SAE1: variants seen among roughly 807,000 people sequenced by gnomAD.
SAE1 encodes SUMO1 activating enzyme subunit 1.
SAE1 carries 11 observed loss-of-function variants against 40.6 expected under a neutral mutation model. The ratio of observed to expected loss-of-function variants is 0.27; its 90% CI spans 0.17 to 0.45. The LOEUF (loss-of-function observed/expected upper bound fraction) is 0.45. SAE1 is among the 20% of genes least tolerant of loss of function. The pLI is 1.00. For synonymous variants in SAE1, 155 were observed against 154.3 expected (o/e 1.00, Z -0.03); for missense variants, 373 against 427.3 (o/e 0.87, Z 1.12).
At chr19:47,198,793 A>G (rs1439463682) in intron 7 of SAE1, among the ~76,000 whole-genome samples, 1 of 152,098 alleles carries the variant, frequency 6.6e-6, no homozygotes, top group Non-Finnish European at 1.5e-5. Flanking sequence ...CTGACCCAAA[A>G]AGCCATGATT....
At chr19:47,146,974 T>C (rs1258071422) in intron 2 of SAE1, among the ~76,000 whole-genome samples, 2 of 152,032 alleles carry the variant, frequency 1.3e-5, no homozygotes, top group East Asian at 3.9e-4. Context: ...AAAGAGTGAT[T>C]TGAAAAATAA....
rs1232339267 is a variant in SAE1 at position 47,194,747 on chromosome 19, C to CTTTTTTTT, written c.734-2473_734-2466dup. On this transcript the variant is annotated intron_variant, in intron 6 of 8. Coordinates refer to ENST00000270225, the MANE Select transcript of SAE1 (RefSeq NM_005500.3). ...AGAAGGTGTTGGTATGTTAATCAGT[C>CTTTTTTTT]TTTTTTTTTTTTTTTTTTTTGAGAT... Among the ~76,000 whole-genome samples, 20 of 124,890 alleles carry CTTTTTTTT rather than the reference C, an allele frequency of 1.6e-4. 1 individual carries two copies. The highest frequency in any genetic ancestry group is 5.8e-4 in the African/African-American group (19 of 32,998). 81.9% of individuals were successfully genotyped at this position (124,890 alleles called of 152,430 possible).
chr19:47,132,508 C>T (rs187404382), intron 1 of SAE1, among the ~76,000 whole-genome samples: 2 of 150,884 alleles, frequency 1.3e-5, no homozygotes, highest in Non-Finnish European at 3.0e-5. Flanking sequence ...TCCTCGGCCT[C>T]AAGAGATCTC....
intron 4 of SAE1, among the ~76,000 whole-genome samples, chr19:47,153,483 G>C (rs915891792): frequency 2.0e-5 from 3 of 152,180 alleles, no homozygotes; most frequent in Admixed American, 2.0e-4. Flanking sequence ...AAAGATGGCA[G>C]ATGATACATT....
chr19:47,139,649 C>T (rs1243955114), intron 1 of SAE1, among the ~76,000 whole-genome samples: 4 of 141,386 alleles, frequency 2.8e-5, no homozygotes, highest in South Asian at 2.2e-4. Flanking sequence ...AGTGCAGTGG[C>T]GCGATCTCGG....
intron 5 of SAE1, among the ~76,000 whole-genome samples, chr19:47,162,383 G>A (rs1240073008): frequency 6.6e-6 from 1 of 152,052 alleles, no homozygotes; most frequent in Non-Finnish European, 1.5e-5. Flanking sequence ...TTAAGATAAG[G>A]GCATTTTCAG....
At chr19:47,191,771 A>G (rs543879097) in intron 6 of SAE1, among the ~76,000 whole-genome samples, 14 of 152,180 alleles carry the variant, frequency 9.2e-5, no homozygotes, top group African/African-American at 3.1e-4. Context: ...AGCTGTGGGA[A>G]TAGGCCGGGC....
At chr19:47,151,867 G>A (rs1331334333) in intron 3 of SAE1, among the ~76,000 whole-genome samples, 1 of 152,226 alleles carries the variant, frequency 6.6e-6, no homozygotes, top group Non-Finnish European at 1.5e-5. Flanking sequence ...GCGTGTGCAT[G>A]GGGCCATGTT....
intron 6 of SAE1, among the ~76,000 whole-genome samples, chr19:47,186,394 T>C (rs1055956557): frequency 6.6e-6 from 1 of 152,192 alleles, no homozygotes; most frequent in Admixed American, 6.5e-5. Context: ...TGACATCCTG[T>C]GTAAACAACA....
chr19:47,153,080 C>T, intron 4 of SAE1, 40 bp downstream of exon 4: 4 of 1,516,042 alleles, frequency 2.6e-6, no homozygotes, highest in East Asian at 2.3e-5. Flanking sequence ...AACATTTTCT[C>T]CTTTTTATAC....
At chr19:47,153,090 CTTT>C in intron 4 of SAE1, 50 bp downstream of exon 4, 1 of 1,240,222 alleles carries the variant, frequency 8.1e-7, no homozygotes, top group Non-Finnish European at 1.1e-6. Context: ...CCTTTTTATA[CTTT>C]TTTTTTTTAA....
chr19:47,136,381 G>T (rs2058180040), intron 1 of SAE1, among the ~76,000 whole-genome samples: 2 of 151,950 alleles, frequency 1.3e-5, no homozygotes, highest in Admixed American at 1.3e-4. Flanking sequence ...CAGGTGATTG[G>T]CCCTCCTTGG....
chr19:47,180,049 G>A (rs1050761438), intron 6 of SAE1: 3 of 391,292 alleles, frequency 7.7e-6, no homozygotes, highest in Middle Eastern at 3.9e-4. Context: ...GATTGGAATT[G>A]AAGTTATCTG....
chr19:47,164,014 C>T (rs959549423), intron 5 of SAE1, among the ~76,000 whole-genome samples: 2 of 152,032 alleles, frequency 1.3e-5, no homozygotes, highest in Admixed American at 6.6e-5. Flanking sequence ...GGTGATCCGC[C>T]CACATCGGCC....
chr19:47,183,875 C>T (rs997851181), intron 6 of SAE1, among the ~76,000 whole-genome samples: 1 of 152,208 alleles, frequency 6.6e-6, no homozygotes, highest in Non-Finnish European at 1.5e-5. Context: ...CTCCCTGCTG[C>T]TTGTGACCAG....
chr19:47,170,551 G>A (rs1346456071), intron 6 of SAE1, among the ~76,000 whole-genome samples: 1 of 130,104 alleles, frequency 7.7e-6, no homozygotes, highest in Non-Finnish European at 1.6e-5. Context: ...CTGTCACCCA[G>A]GCTGGAATGC....
chr19:47,169,019 G>A (rs1418872311), intron 5 of SAE1, among the ~76,000 whole-genome samples: 1 of 152,152 alleles, frequency 6.6e-6, no homozygotes, highest in African/African-American at 2.4e-5. Flanking sequence ...TGCAAATGCT[G>A]TTCCTGTTTC....
chr19:47,155,927 G>T (rs993422793), intron 5 of SAE1, among the ~76,000 whole-genome samples: 3 of 150,822 alleles, frequency 2.0e-5, no homozygotes, highest in Admixed American at 6.6e-5. Context: ...TTTTAGTAGA[G>T]ACGGGGTTCC....
intron 4 of SAE1, among the ~76,000 whole-genome samples, chr19:47,154,795 CA>C (rs1426333556): frequency 2.0e-5 from 3 of 152,272 alleles, no homozygotes; most frequent in African/African-American, 7.2e-5. Context: ...TGCACCCAGC[CA>C]AGTTTGGCTA....
Sources: allele counts gnomAD v4.1 joint callset (sites outside exome capture counted in the v4.1 genomes callset), GRCh38; gene constraint gnomAD v4.1.1; transcripts MANE v1.5; gene names NCBI Gene and HGNC (gene_info 2026-07-23, HGNC 2026-07-21).